The following NPNT variants were observed in gnomAD, a reference collection of about 807,000 sequenced individuals.
NPNT encodes the protein nephronectin.
In NPNT, 45 loss-of-function variants were observed where a neutral mutation model predicts 68.6. That is an observed-to-expected ratio of 0.66 (90% CI 0.52 to 0.84). The LOEUF (loss-of-function observed/expected upper bound fraction) is 0.84, where lower values mean the gene tolerates loss of function less well. NPNT is among the 40% of genes least tolerant of loss of function. The pLI is 0.00. For missense variants in NPNT, 672 were observed against 714.8 expected (o/e 0.94, Z 0.68); for synonymous variants, 233 against 253.3 (o/e 0.92, Z 0.76).
At chr4:105,961,408 T>A (rs1731709650) in intron 10 of NPNT, among the ~76,000 whole-genome samples, 1 of 152,202 alleles carries the variant, frequency 6.6e-6, no homozygotes, top group South Asian at 2.1e-4. Context: ...TTTATGGTCA[T>A]AATGAATGAT....
chr4:105,965,502 G>A (rs1351211780), intron 10 of NPNT, among the ~76,000 whole-genome samples: 1 of 152,144 alleles, frequency 6.6e-6, no homozygotes, highest in South Asian at 2.1e-4. Flanking sequence ...TGGTGTGTTA[G>A]GTTGTCTTGT....
intron 8 of NPNT, among the ~76,000 whole-genome samples, chr4:105,944,574 T>G (rs1211692227): frequency 6.6e-6 from 1 of 152,224 alleles, no homozygotes; most frequent in African/African-American, 2.4e-5. Flanking sequence ...TAAAATTTAG[T>G]GCAATAAAAT....
At position 105,958,569 on chromosome 4, in the gene NPNT, A is replaced by T. The variant is rs371416269; in HGVS notation, c.1246+12A>T. 4.9e-6 allele frequency: 7 copies of T among 1,416,882 alleles called. No individual in the cohort carries two copies. The highest frequency in any genetic ancestry group is 4.6e-5 in the East Asian group (2 of 43,334). 87.8% of individuals were successfully genotyped at this position (1,416,882 alleles called of 1,614,324 possible). On this transcript the variant is annotated intron_variant, in intron 9 of 11. Coordinates refer to ENST00000379987, the MANE Select transcript of NPNT (RefSeq NM_001033047.3). ...AAAGGATGATCCAGGTGACACTTAC[A>T]CTCTTAGTGCCATCATAATGACATT...
chr4:105,920,089 A>G (rs1728134726), intron 2 of NPNT, among the ~76,000 whole-genome samples: 1 of 152,070 alleles, frequency 6.6e-6, no homozygotes. Flanking sequence ...ATTTAGAATC[A>G]CTTCGTAACC....
chr4:105,920,536 A>G (rs1239968923), intron 2 of NPNT, among the ~76,000 whole-genome samples: 1 of 152,090 alleles, frequency 6.6e-6, no homozygotes, highest in African/African-American at 2.4e-5. Flanking sequence ...TAAAATTTCA[A>G]GTAAACTGAA....
intron 8 of NPNT, among the ~76,000 whole-genome samples, chr4:105,956,183 A>G (rs533718033): frequency 1.2e-4 from 18 of 151,980 alleles, no homozygotes; most frequent in Non-Finnish European, 2.6e-4. Flanking sequence ...TTTCTCTTCA[A>G]CCTCATCCCA....
chr4:105,910,633 A>G (rs1727289629), intron 2 of NPNT, among the ~76,000 whole-genome samples: 1 of 152,220 alleles, frequency 6.6e-6, no homozygotes, highest in South Asian at 2.1e-4. Context: ...GAAGTAATCT[A>G]TTCCAGATTT....
chr4:105,906,489 T>C (rs1726908199), intron 2 of NPNT, among the ~76,000 whole-genome samples: 2 of 145,192 alleles, frequency 1.4e-5, no homozygotes, highest in Admixed American at 1.3e-4. Flanking sequence ...ATTATGTGCA[T>C]AGCTTTCTGA....
intron 10 of NPNT, among the ~76,000 whole-genome samples, chr4:105,965,052 A>C (rs1732010840): frequency 6.6e-6 from 1 of 152,232 alleles, no homozygotes; most frequent in Non-Finnish European, 1.5e-5. Flanking sequence ...AGATTTTGTG[A>C]ATTGAAAATT....
At chr4:105,903,867 C>G (rs577517781) in intron 2 of NPNT, among the ~76,000 whole-genome samples, 1 of 151,318 alleles carries the variant, frequency 6.6e-6, no homozygotes, top group South Asian at 2.1e-4. Flanking sequence ...TCACTAGAAC[C>G]CTTACCTCCT....
intron 2 of NPNT, among the ~76,000 whole-genome samples, chr4:105,914,102 A>T (rs1442403096): frequency 6.6e-6 from 1 of 151,876 alleles, no homozygotes; most frequent in East Asian, 1.9e-4. Flanking sequence ...AATAGGAAAA[A>T]GTTAGGGATA....
chr4:105,928,623 A>G (rs1236893984), intron 3 of NPNT, among the ~76,000 whole-genome samples: 1 of 151,700 alleles, frequency 6.6e-6, no homozygotes, highest in African/African-American at 2.4e-5. Context: ...CAAAAAAAAA[A>G]AAAAAAAGAA....
rs544369243 is a variant in NPNT at position 105,924,909 on chromosome 4, C to T, written c.173-2427C>T. On this transcript the variant is annotated intron_variant, in intron 2 of 11. Coordinates refer to ENST00000379987, the MANE Select transcript of NPNT (RefSeq NM_001033047.3). ...GGTTATTTCCTGGACTTGCACTTAA[C>T]GATTTTGAGATGTTTACATTTTTTT... 1.6e-4 allele frequency among the ~76,000 whole-genome samples: 25 copies of T among 152,126 alleles called. 1 individual carries two copies. In the South Asian group the frequency reaches 1.9e-3, roughly 11 times the overall value.
intron 10 of NPNT, 71 bp from the exon 11 acceptor site, chr4:105,967,117 C>A: frequency 1.2e-4 from 148 of 1,242,198 alleles, no homozygotes; most frequent in Non-Finnish European, 1.5e-4. Flanking sequence ...AAAACTAAAA[C>A]TCCTGTCCAT....
intron 6 of NPNT, 83 bp from the exon 7 acceptor site, chr4:105,940,431 T>A: frequency 7.1e-7 from 1 of 1,405,428 alleles, no homozygotes. Flanking sequence ...CCAAAAAAAA[T>A]CATTTTTGAA....
chr4:105,898,352 C>CTG (rs1560881873), intron 2 of NPNT, among the ~76,000 whole-genome samples: 1 of 137,348 alleles, frequency 7.3e-6, no homozygotes. Flanking sequence ...CTCTCTCTCT[C>CTG]TCTCTCTCTC....
At chr4:105,961,834 G>C (rs1400603479) in intron 10 of NPNT, among the ~76,000 whole-genome samples, 1 of 152,178 alleles carries the variant, frequency 6.6e-6, no homozygotes, top group Non-Finnish European at 1.5e-5. Context: ...TAGATAAATA[G>C]GACATTGAAC....
chr4:105,956,674 TC>T (rs1409442560), intron 8 of NPNT, among the ~76,000 whole-genome samples: 3 of 152,182 alleles, frequency 2.0e-5, no homozygotes, highest in African/African-American at 7.2e-5. Flanking sequence ...TTGTAATATT[TC>T]TAGTAAATAA....
chr4:105,929,888 A>G (rs978637699), intron 3 of NPNT, among the ~76,000 whole-genome samples: 2 of 152,008 alleles, frequency 1.3e-5, no homozygotes, highest in South Asian at 2.1e-4. Flanking sequence ...CCAGTTTAAC[A>G]TGTACTTTTT....
Sources: gnomAD v4.1 joint callset for allele counts (sites outside exome capture counted in the v4.1 genomes callset) on GRCh38, gnomAD v4.1.1 for gene constraint, MANE v1.5 for transcripts, NCBI Gene and HGNC (gene_info 2026-07-23, HGNC 2026-07-21) for gene names.